Variants in PLXDC2 observed in about 807,000 individuals in gnomAD.
The protein encoded by PLXDC2 is plexin domain containing 2, also known as plexin domain-containing protein 2.
In PLXDC2, 40 loss-of-function variants were observed where a neutral mutation model predicts 68.9. The observed-to-expected ratio is 0.58, with a 90% CI of 0.45 to 0.76. PLXDC2 has a LOEUF of 0.76. Ranked by LOEUF, PLXDC2 falls within the 30% of genes least tolerant of loss-of-function variation. PLXDC2 has a pLI of 0.00. For synonymous variants in PLXDC2, 243 were observed against 234.2 expected, an observed-to-expected ratio of 1.04 and a Z score of -0.34; for missense variants, 644 against 661.9, an observed-to-expected ratio of 0.97 and a Z score of 0.30.
intron 4 of PLXDC2, among the ~76,000 whole-genome samples, chr10:20,134,667 G>A (rs1833912031): frequency 6.6e-6 from 1 of 152,188 alleles, no homozygotes; most frequent in African/African-American, 2.4e-5. Context: ...AGGGTTCACA[G>A]GCGCTTACGT....
At chr10:19,911,790 A>G (rs1833276459) in intron 1 of PLXDC2, among the ~76,000 whole-genome samples, 1 of 152,352 alleles carries the variant, frequency 6.6e-6, no homozygotes. Context: ...ATTAAAAAAG[A>G]AAATTATTTT....
chr10:19,965,416 C>A (rs994348822), intron 1 of PLXDC2, among the ~76,000 whole-genome samples: 1 of 152,146 alleles, frequency 6.6e-6, no homozygotes, highest in Non-Finnish European at 1.5e-5. Context: ...TGGATATGTG[C>A]CTTTGGTCCC....
intron 2 of PLXDC2, among the ~76,000 whole-genome samples, chr10:20,016,123 C>G (rs769875493): frequency 1.3e-5 from 2 of 152,162 alleles, no homozygotes; most frequent in Non-Finnish European, 2.9e-5. Flanking sequence ...TGGACTGTTT[C>G]AAAAGACCAA....
At chr10:19,843,159 C>T (rs922731250) in intron 1 of PLXDC2, among the ~76,000 whole-genome samples, 6 of 151,828 alleles carry the variant, frequency 4.0e-5, no homozygotes, top group Non-Finnish European at 7.4e-5. Context: ...AGTTTTAAAT[C>T]ACATTTAGCT....
chr10:20,119,516 A>G (rs1276244499), intron 4 of PLXDC2, among the ~76,000 whole-genome samples: 2 of 147,500 alleles, frequency 1.4e-5, no homozygotes, highest in Non-Finnish European at 3.0e-5. Context: ...GTGGAATGTC[A>G]TCAGTTAACG....
intron 1 of PLXDC2, among the ~76,000 whole-genome samples, chr10:19,826,336 T>G (rs1836568607): frequency 6.6e-6 from 1 of 152,208 alleles, no homozygotes; most frequent in Non-Finnish European, 1.5e-5. Context: ...AATTTTTTGT[T>G]GTTGTCATTT....
intron 1 of PLXDC2, among the ~76,000 whole-genome samples, chr10:19,978,815 CA>C (rs1285697374): frequency 1.3e-5 from 2 of 152,132 alleles, no homozygotes; most frequent in Admixed American, 6.6e-5. Context: ...GCATGAGAGG[CA>C]AATAACTCAT....
At chr10:20,106,275 C>G (rs1005034451) in intron 4 of PLXDC2, among the ~76,000 whole-genome samples, 1 of 152,178 alleles carries the variant, frequency 6.6e-6, no homozygotes, top group Non-Finnish European at 1.5e-5. Flanking sequence ...AATACCAGGT[C>G]TCCAAGTAGG....
intron 2 of PLXDC2, among the ~76,000 whole-genome samples, chr10:20,012,303 C>CTCTTTTTTTTTTT (rs1835129350): frequency 1.5e-5 from 1 of 65,592 alleles, no homozygotes; most frequent in African/African-American, 7.6e-5. Flanking sequence ...CTCTCTCTCT[C>CTCTTTTTTTTTTT]TTTTTTATTT....
intron 5 of PLXDC2, among the ~76,000 whole-genome samples, chr10:20,146,488 T>TTCTTTTTCCTTCC (rs1554769785): frequency 3.8e-4 from 31 of 81,410 alleles, no homozygotes; most frequent in Admixed American, 1.7e-4. Flanking sequence ...TTCTTTTCTT[T>TTCTTTTTCCTTCC]TTCCTTCCTT....
intron 2 of PLXDC2, among the ~76,000 whole-genome samples, chr10:20,028,729 G>T (rs1835448719): frequency 6.6e-6 from 1 of 151,988 alleles, no homozygotes; most frequent in South Asian, 2.1e-4. Flanking sequence ...TTTTGCTCTT[G>T]TTGGTAACCC....
chr10:19,911,027 C>G (rs1222767741), intron 1 of PLXDC2, among the ~76,000 whole-genome samples: 1 of 150,760 alleles, frequency 6.6e-6, no homozygotes, highest in African/African-American at 2.4e-5. Context: ...AAAAACAAAA[C>G]AAAACAAAAA....
At chr10:19,827,090 A>G (rs1019859108) in intron 1 of PLXDC2, among the ~76,000 whole-genome samples, 11 of 152,208 alleles carry the variant, frequency 7.2e-5, no homozygotes, top group African/African-American at 1.7e-4. Flanking sequence ...TCCTGTTTAC[A>G]TGCAGGAGAT....
chr10:19,939,341 C>A (rs2131396479), intron 1 of PLXDC2, among the ~76,000 whole-genome samples: 1 of 152,220 alleles, frequency 6.6e-6, no homozygotes, highest in South Asian at 2.1e-4. Flanking sequence ...GATTACACCC[C>A]CTCTGGAAAT....
At chr10:20,098,353 GTGTA>G (rs1414815551) in intron 4 of PLXDC2, among the ~76,000 whole-genome samples, 54 of 130,398 alleles carry the variant, frequency 4.1e-4, no homozygotes, top group African/African-American at 1.7e-3. Context: ...GTGCGTGTGT[GTGTA>G]TGTGTGTGTG....
chr10:20,167,827 T>G (rs970030416), intron 7 of PLXDC2, among the ~76,000 whole-genome samples: 2 of 152,140 alleles, frequency 1.3e-5, no homozygotes, highest in Admixed American at 6.6e-5. Flanking sequence ...CTTATCAGAT[T>G]TGGTGAAGAT....
chr10:19,985,128 G>A (rs956924338), intron 1 of PLXDC2, among the ~76,000 whole-genome samples: 4 of 152,190 alleles, frequency 2.6e-5, no homozygotes, highest in Non-Finnish European at 5.9e-5. Context: ...TGCATTATCA[G>A]GGCGATACAT....
rs952396140 is a variant in PLXDC2, at chr10:20,286,221, T to C, written c.*6402T>C. ...TTAATTTCCAGCTCACTGTTGACAC[T>C]GAAAGATTCTGTGTTACTTTAAACC... On this transcript the variant is annotated 3_prime_UTR_variant, in exon 14 of 14. Coordinates refer to ENST00000377252, the MANE Select transcript of PLXDC2 (RefSeq NM_032812.9). 10 of 152,188 alleles carry C rather than the reference T, an allele frequency of 6.6e-5. No homozygotes were observed. The highest frequency in any genetic ancestry group is 2.4e-4 in the African/African-American group (10 of 41,448). The allele number at this position is 152,188 out of a possible 1,614,324, so 9.4% of individuals were successfully genotyped here.
At chr10:20,139,629 A>T (rs1254374791) in intron 4 of PLXDC2, among the ~76,000 whole-genome samples, 1 of 152,230 alleles carries the variant, frequency 6.6e-6, no homozygotes, top group Non-Finnish European at 1.5e-5. Flanking sequence ...GATAGACTGG[A>T]TAAAGAAAAT....
Sources: gnomAD v4.1 joint callset for allele counts (sites outside exome capture counted in the v4.1 genomes callset) on GRCh38, gnomAD v4.1.1 for gene constraint, MANE v1.5 for transcripts, NCBI Gene and HGNC (gene_info 2026-07-23, HGNC 2026-07-21) for gene names.